The following INPP4B variants were observed in gnomAD, a reference collection of about 807,000 sequenced individuals.
INPP4B encodes the protein inositol polyphosphate-4-phosphatase type II B.
A neutral mutation model predicts 122.5 loss-of-function variants in INPP4B; 55 were observed. The observed-to-expected ratio is 0.45, with a 90% CI of 0.36 to 0.56. The LOEUF (loss-of-function observed/expected upper bound fraction) is 0.56. INPP4B is among the 20% of genes least tolerant of loss of function. The pLI is 0.00. For missense variants in INPP4B, 1,000 were observed against 1,097.7 expected (o/e 0.91, Z 1.26); for synonymous variants, 403 against 388.7 (o/e 1.04, Z -0.43).
intron 8 of INPP4B, among the ~76,000 whole-genome samples, chr4:142,313,714 C>T (rs1156485352): frequency 6.6e-6 from 1 of 152,144 alleles, no homozygotes; most frequent in African/African-American, 2.4e-5. Context: ...AGAAAAACTG[C>T]AAGGACTCCC....
In INPP4B at chr4:142,788,074, T is replaced by C. The variant is rs1311380947; in HGVS notation, c.-254+58135A>G. Among the ~76,000 whole-genome samples the C allele has an allele frequency of 2.6e-5, 4 of 152,002 alleles. No homozygotes were observed. The South Asian group carries it at 8.3e-4, about 32-fold the overall frequency. ...AAGCCAGCTTATAAAATATAGACAT[T>C]ATCCTGTTTACAGTGTCTCAAAAAC... is the stretch of plus-strand genomic sequence containing the variant. On this transcript the variant is annotated intron_variant, in intron 1 of 25. Transcript: ENST00000262992.
At position 142,026,003 on chromosome 4, in the gene INPP4B, T is replaced by C. The variant is rs1239060167; in HGVS notation, c.*2779A>G. On this transcript the variant is annotated 3_prime_UTR_variant, in exon 26 of 26. Coordinates refer to ENST00000262992, the MANE Select transcript of INPP4B (RefSeq NM_001101669.3). ...TATGTTTTTCCTAGGGCTCAGTAAATAGCTAATCCAGAATTGATATCTGCA... is the reference window on the plus strand; with the variant it reads ...TATGTTTTTCCTAGGGCTCAGTAAACAGCTAATCCAGAATTGATATCTGCA... 1 of 152,164 alleles carries C rather than the reference T, an allele frequency of 6.6e-6. No individual in the cohort carries two copies. Among genetic ancestry groups the C allele is most frequent in the Non-Finnish European group, 1.5e-5 (1 of 68,030 alleles). The allele number at this position is 152,164 out of a possible 1,614,324, so 9.4% of individuals were successfully genotyped here. A position where few individuals can be genotyped will look rare whatever the true frequency, so the allele number is the denominator to read the frequency against.
chr4:142,733,460 G>A (rs1721086647), intron 1 of INPP4B, among the ~76,000 whole-genome samples: 1 of 151,930 alleles, frequency 6.6e-6, no homozygotes, highest in African/African-American at 2.4e-5. Context: ...TAGAAAATTG[G>A]GCAAAAGTCA....
intron 2 of INPP4B, among the ~76,000 whole-genome samples, chr4:142,690,551 G>A (rs1235047893): frequency 1.3e-5 from 2 of 152,072 alleles, no homozygotes; most frequent in African/African-American, 2.4e-5. Flanking sequence ...ACTAGGTTGG[G>A]ACTTACTGTG....
At chr4:142,185,883 C>CGTAAAA (rs1554000192) in intron 15 of INPP4B, among the ~76,000 whole-genome samples, 1 of 6,702 alleles carries the variant, frequency 1.5e-4, no homozygotes, top group Non-Finnish European at 3.1e-4. Context: ...CATCTCAAAA[C>CGTAAAA]ATAAAAAAAA....
intron 1 of INPP4B, among the ~76,000 whole-genome samples, chr4:142,787,592 A>T (rs2151051437): frequency 6.6e-6 from 1 of 152,178 alleles, no homozygotes; most frequent in Non-Finnish European, 1.5e-5. Flanking sequence ...CATATTACCA[A>T]CTTATTTTAT....
chr4:142,155,649 A>T (rs1016263009), intron 17 of INPP4B, among the ~76,000 whole-genome samples: 1 of 152,060 alleles, frequency 6.6e-6, no homozygotes, highest in Non-Finnish European at 1.5e-5. Flanking sequence ...ACTCATGCAG[A>T]AATTCAAAAA....
intron 2 of INPP4B, among the ~76,000 whole-genome samples, chr4:142,519,621 T>G (rs949031719): frequency 1.3e-5 from 2 of 152,148 alleles, no homozygotes; most frequent in African/African-American, 4.8e-5. Context: ...CAGAAAATTT[T>G]TACACAATTA....
chr4:142,800,893 T>C (rs916724633), intron 1 of INPP4B, among the ~76,000 whole-genome samples: 4 of 152,072 alleles, frequency 2.6e-5, no homozygotes, highest in African/African-American at 7.2e-5. Context: ...TTATTCAACT[T>C]TGGAAATTAG....
intron 17 of INPP4B, among the ~76,000 whole-genome samples, chr4:142,149,198 C>A (rs778766005): frequency 1.2e-4 from 18 of 152,082 alleles, no homozygotes; most frequent in Non-Finnish European, 2.2e-4. Flanking sequence ...TGTTTTATGG[C>A]ACAGGGCCTG....
chr4:142,454,002 G>A (rs1814860214), intron 3 of INPP4B, among the ~76,000 whole-genome samples: 1 of 151,974 alleles, frequency 6.6e-6, no homozygotes, highest in Non-Finnish European at 1.5e-5. Context: ...GTGATGAACT[G>A]GGGTATATAA....
intron 2 of INPP4B, among the ~76,000 whole-genome samples, chr4:142,725,446 T>C (rs1467678835): frequency 3.9e-5 from 6 of 152,070 alleles, no homozygotes; most frequent in Non-Finnish European, 8.8e-5. Flanking sequence ...TAACGCCAAA[T>C]AAAGTCACAA....
intron 18 of INPP4B, among the ~76,000 whole-genome samples, chr4:142,126,792 T>C (rs1191808676): frequency 6.6e-6 from 1 of 152,128 alleles, no homozygotes; most frequent in Non-Finnish European, 1.5e-5. Flanking sequence ...TTTTTTTTCA[T>C]AATAAGAGAT....
At chr4:142,249,791 C>T (rs1431640606) in intron 11 of INPP4B, among the ~76,000 whole-genome samples, 1 of 152,182 alleles carries the variant, frequency 6.6e-6, no homozygotes, top group East Asian at 1.9e-4. Context: ...TTTATCATCG[C>T]TGTGCTGCAA....
intron 5 of INPP4B, among the ~76,000 whole-genome samples, chr4:142,422,776 T>A (rs2149320076): frequency 6.6e-6 from 1 of 152,248 alleles, no homozygotes; most frequent in African/African-American, 2.4e-5. Flanking sequence ...ATTATGCCAC[T>A]GTGCTCTAGT....
chr4:142,557,530 A>G (rs1031827069), intron 2 of INPP4B, among the ~76,000 whole-genome samples: 1 of 152,056 alleles, frequency 6.6e-6, no homozygotes, highest in Non-Finnish European at 1.5e-5. Context: ...CATGGGCAAG[A>G]GTTAGTGGCA....
At chr4:142,111,822 C>T (rs184366958) in intron 22 of INPP4B, among the ~76,000 whole-genome samples, 2 of 152,212 alleles carry the variant, frequency 1.3e-5, no homozygotes, top group Admixed American at 6.5e-5. Flanking sequence ...CAGCTCAACA[C>T]AACCTCCATC....
At position 142,754,995 on chromosome 4, in the gene INPP4B, C is replaced by T. The variant is rs540608146; in HGVS notation, c.-253-29094G>A. ...TAGACCTGCCTCATATTGCACCTGC[C>T]TCAAAGGGTTGTAAGGATTAAATGA... On this transcript the variant is annotated intron_variant, in intron 1 of 25. Coordinates refer to ENST00000262992, the MANE Select transcript of INPP4B (RefSeq NM_001101669.3). 6.6e-5 allele frequency among the ~76,000 whole-genome samples: 10 copies of T among 152,082 alleles called. No homozygotes were observed. In the East Asian group the frequency reaches 1.9e-3, roughly 29 times the overall value.
At chr4:142,320,941 G>A (rs927718108) in intron 7 of INPP4B, among the ~76,000 whole-genome samples, 12 of 152,198 alleles carry the variant, frequency 7.9e-5, no homozygotes, top group African/African-American at 2.9e-4. Context: ...GCATGTGCAA[G>A]TGTCTTTTTC....
Sources: allele counts gnomAD v4.1 joint callset (sites outside exome capture counted in the v4.1 genomes callset), GRCh38; gene constraint gnomAD v4.1.1; transcripts MANE v1.5; gene names NCBI Gene and HGNC (gene_info 2026-07-23, HGNC 2026-07-21).